Variants in GRIK2 observed in about 807,000 individuals in gnomAD.
The protein encoded by GRIK2 is glutamate ionotropic receptor kainate type subunit 2.
Under a neutral mutation model 100.3 loss-of-function variants are expected in GRIK2, and 32 were observed. That is an observed-to-expected ratio of 0.32 (90% CI 0.24 to 0.43). GRIK2 has a LOEUF of 0.43. Among genes scored for constraint, GRIK2 ranks in the 20% least tolerant of loss-of-function variants. The pLI is 1.00. For synonymous variants in GRIK2, 417 were observed against 389.4 expected, an observed-to-expected ratio of 1.07 and a Z score of -0.83; for missense variants, 843 against 1,114.9, an observed-to-expected ratio of 0.76 and a Z score of 3.47.
intron 14 of GRIK2, among the ~76,000 whole-genome samples, chr6:101,933,400 T>C (rs1387608323): frequency 6.6e-6 from 1 of 151,968 alleles, no homozygotes; most frequent in Non-Finnish European, 1.5e-5. Flanking sequence ...CTACCTTACA[T>C]GTAGCTAAAA....
chr6:101,914,231 A>T lies in GRIK2; in HGVS notation c.1749-10370A>T, dbSNP rs1283471691. On this transcript the variant is annotated intron_variant, in intron 12 of 16. Coordinates refer to ENST00000369134, the MANE Select transcript of GRIK2 (RefSeq NM_021956.5). ...AAAGATAGATGATTTTAAGAATTCT[A>T]ATCTGGATTGTGGGACAATGCTTGG... Among the ~76,000 whole-genome samples, 5 of 151,624 alleles carry T rather than the reference A, an allele frequency of 3.3e-5. 1 individual carries two copies. The Admixed American group carries it at 3.3e-4, about 10-fold the overall frequency.
intron 2 of GRIK2, among the ~76,000 whole-genome samples, chr6:101,506,234 T>C (rs1232981573): frequency 6.6e-6 from 1 of 152,108 alleles, no homozygotes; most frequent in African/African-American, 2.4e-5. Flanking sequence ...TGTTCATGTG[T>C]TTTAGGACTA....
intron 2 of GRIK2, among the ~76,000 whole-genome samples, chr6:101,443,100 A>G (rs1182964080): frequency 6.6e-6 from 1 of 152,046 alleles, no homozygotes; most frequent in Non-Finnish European, 1.5e-5. Flanking sequence ...TCACCTTGAG[A>G]TTGTCAAGGT....
intron 7 of GRIK2, among the ~76,000 whole-genome samples, chr6:101,701,195 A>G (rs915370641): frequency 5.3e-5 from 8 of 152,138 alleles, no homozygotes; most frequent in Non-Finnish European, 1.2e-4. Context: ...TATGTTTACA[A>G]TCCTTCAGAG....
intron 6 of GRIK2, among the ~76,000 whole-genome samples, chr6:101,684,975 C>T (rs752338733): frequency 3.3e-5 from 5 of 152,022 alleles, no homozygotes; most frequent in South Asian, 2.1e-4. Context: ...GATAAGGTCA[C>T]AGAGTGACCT....
intron 11 of GRIK2, among the ~76,000 whole-genome samples, chr6:101,861,701 A>G (rs1419762052): frequency 6.6e-6 from 1 of 152,180 alleles, no homozygotes; most frequent in Non-Finnish European, 1.5e-5. Context: ...TATAGATAAA[A>G]TCAAAACATT....
chr6:101,833,499 G>T (rs1782840408), intron 10 of GRIK2, among the ~76,000 whole-genome samples: 1 of 151,920 alleles, frequency 6.6e-6, no homozygotes, highest in African/African-American at 2.4e-5. Flanking sequence ...TCCCAAAGTG[G>T]CCTGTTCTTG....
chr6:101,446,580 T>C (rs1031586905), intron 2 of GRIK2, among the ~76,000 whole-genome samples: 1 of 151,876 alleles, frequency 6.6e-6, no homozygotes, highest in Non-Finnish European at 1.5e-5. Context: ...TTACATCAGA[T>C]AGTCAAGCTC....
intron 7 of GRIK2, among the ~76,000 whole-genome samples, chr6:101,697,615 G>A (rs1335637458): frequency 6.6e-6 from 1 of 151,970 alleles, no homozygotes; most frequent in Non-Finnish European, 1.5e-5. Context: ...GTTGGACACA[G>A]AATTAAAGGA....
At chr6:101,689,675 C>G (rs557025323) in intron 7 of GRIK2, among the ~76,000 whole-genome samples, 2 of 152,198 alleles carry the variant, frequency 1.3e-5, no homozygotes, top group South Asian at 2.1e-4. Context: ...CAAGCCTGAT[C>G]TAGTTAAGGA....
At chr6:101,812,574 C>T (rs929465610) in intron 9 of GRIK2, among the ~76,000 whole-genome samples, 1 of 151,466 alleles carries the variant, frequency 6.6e-6, no homozygotes, top group Non-Finnish European at 1.5e-5. Flanking sequence ...CATATAAAGC[C>T]CGTAGGATGT....
chr6:101,665,503 C>T (rs555575174), intron 4 of GRIK2, among the ~76,000 whole-genome samples: 65 of 152,290 alleles, frequency 4.3e-4, no homozygotes, highest in Admixed American at 1.1e-3. Context: ...TATGGTTTCA[C>T]CTAGGTGATT....
At chr6:101,409,676 T>C (rs58880092) in intron 2 of GRIK2, among the ~76,000 whole-genome samples, 3,878 of 152,160 alleles carry the variant, frequency 0.025, 119 homozygotes, top group African/African-American at 0.068. Flanking sequence ...CCCTTGACTT[T>C]CCTGTCTGAA....
chr6:101,398,165 T>A (rs1775090476), intron 1 of GRIK2, among the ~76,000 whole-genome samples: 1 of 152,136 alleles, frequency 6.6e-6, no homozygotes, highest in Admixed American at 6.5e-5. Context: ...TTCTGCCTCT[T>A]TAGGAAAAAG....
intron 11 of GRIK2, among the ~76,000 whole-genome samples, chr6:101,877,511 GA>G (rs1234028412): frequency 2.0e-5 from 3 of 151,870 alleles, no homozygotes; most frequent in African/African-American, 7.2e-5. Flanking sequence ...GAGCACCGAT[GA>G]ATTTTGGTAT....
At chr6:101,846,447 G>C (rs1038890280) in intron 10 of GRIK2, among the ~76,000 whole-genome samples, 3 of 152,064 alleles carry the variant, frequency 2.0e-5, no homozygotes, top group Non-Finnish European at 4.4e-5. Flanking sequence ...TTTTACATCT[G>C]TATTCTTAAG....
chr6:101,886,820 CTTTTTTTTTTT>C (rs3054431), intron 11 of GRIK2, among the ~76,000 whole-genome samples: 4 of 73,310 alleles, frequency 5.5e-5, no homozygotes, highest in African/African-American at 2.1e-4. Context: ...TTCTTTCTAC[CTTTTTTTTTTT>C]TTTTTTTTTT....
chr6:101,794,841 T>C lies in GRIK2; in HGVS notation c.952-4807T>C, dbSNP rs1382206678. On this transcript the variant is annotated intron_variant, in intron 7 of 16. Transcript: ENST00000369134. ...CTGTCCTTATGTTGATATCTACACA[T>C]TTTGTGTAATAGTTGCTTGTTTCAA... Among the ~76,000 whole-genome samples the C allele has an allele frequency of 2.0e-5, 3 of 152,054 alleles. No homozygotes were observed. The East Asian group carries it at 5.8e-4, about 29-fold the overall frequency.
At chr6:101,844,796 A>C (rs574938976) in intron 10 of GRIK2, among the ~76,000 whole-genome samples, 2 of 152,244 alleles carry the variant, frequency 1.3e-5, no homozygotes, top group East Asian at 3.9e-4. Context: ...AGAGGGCTAG[A>C]TACATGTTTT....
Sources: allele counts gnomAD v4.1 joint callset (sites outside exome capture counted in the v4.1 genomes callset), GRCh38; gene constraint gnomAD v4.1.1; transcripts MANE v1.5; gene names NCBI Gene and HGNC (gene_info 2026-07-23, HGNC 2026-07-21).